The following CLCN7 variants were observed in gnomAD, a reference collection of about 807,000 sequenced individuals.
The protein encoded by CLCN7 is Cl-/H+ antiporter 7.
Under a neutral mutation model 102.1 loss-of-function variants are expected in CLCN7, and 60 were observed. The ratio of observed to expected loss-of-function variants is 0.59; its 90% CI spans 0.48 to 0.73. CLCN7 has a LOEUF of 0.73. CLCN7 is among the 30% of genes least tolerant of loss of function. The pLI, the probability that CLCN7 is intolerant of heterozygous loss-of-function variation, is 0.00. For synonymous variants in CLCN7, 560 were observed against 490.5 expected, an observed-to-expected ratio of 1.14 and a Z score of -1.87; for missense variants, 962 against 1,125.7, an observed-to-expected ratio of 0.85 and a Z score of 2.08.
chr16:1,456,168 G>A lies in CLCN7; in HGVS notation c.861C>T (p.Asp287=). Residue 287 remains aspartate (D), a synonymous_variant, in exon 10 of 25, where the codon GAC becomes GAT. Transcript: ENST00000382745. The part of the protein sequence containing the change: ...EYFRRDTEKR[D]FVSAGAAAGV... Reference sequence around the variant, plus strand: ...CGGCCGCAGCCCCTGCGGAGACGAAGTCCCGCTTCTCTGTGTCTCTGCGGA... The same window carrying A: ...CGGCCGCAGCCCCTGCGGAGACGAAATCCCGCTTCTCTGTGTCTCTGCGGA... 2 of 1,568,170 alleles carry A rather than the reference G, an allele frequency of 1.3e-6. No individual in the cohort carries two copies. The highest frequency in any genetic ancestry group is 1.7e-6 in the Non-Finnish European group (2 of 1,155,830).
chr16:1,467,618 C>G (rs950797583), intron 1 of CLCN7: 1 of 152,436 alleles, frequency 6.6e-6, no homozygotes, highest in Admixed American at 6.5e-5. Context: ...ACAGAGACCA[C>G]GGAACCCAAA....
chr16:1,454,398 G>A lies in CLCN7; in HGVS notation c.1153+13C>T, dbSNP rs1462506097. 2.5e-6 allele frequency: 4 copies of A among 1,612,948 alleles called. No homozygotes were observed. The African/African-American group carries it at 5.3e-5, about 22-fold the overall frequency. On this transcript the variant is annotated intron_variant, in intron 13 of 24. Transcript: ENST00000382745. ...CCGCAGGCCGTCCCTGCGGTGCTGG[G>A]AGAAGCCCTTACCCACCACGCCCAT...
intron 13 of CLCN7, 28 bp downstream of exon 13, chr16:1,454,383 T>A (rs578165494): frequency 3.1e-6 from 5 of 1,607,734 alleles, no homozygotes; most frequent in East Asian, 4.5e-5. Context: ...CCGCAGGCCG[T>A]CCCTGCGGTG....
chr16:1,446,382 A>C lies in CLCN7; in HGVS notation c.*249T>G, dbSNP rs2142363652. 2.8e-6 allele frequency: 2 copies of C among 702,360 alleles called. No individual in the cohort carries two copies. The highest frequency in any genetic ancestry group is 4.6e-4 in the Middle Eastern group (2 of 4,358). 43.5% of individuals were successfully genotyped at this position (702,360 alleles called of 1,614,324 possible). A position where few individuals can be genotyped will look rare whatever the true frequency, so the allele number is the denominator to read the frequency against. On this transcript the variant is annotated 3_prime_UTR_variant, in exon 25 of 25. Transcript: ENST00000382745. ...CACAGCTGATCCCTGGAGGTAAAGA[A>C]ACCTAGACGAGGAGAGTGGAGGCTG...
At chr16:1,451,226 G>C (rs2038743880) in intron 16 of CLCN7, among the ~76,000 whole-genome samples, 1 of 152,188 alleles carries the variant, frequency 6.6e-6, no homozygotes, top group Non-Finnish European at 1.5e-5. Context: ...TTTGTTTTTT[G>C]AGAGAGGGTC....
chr16:1,455,511 A>G, intron 11 of CLCN7: 1 of 664,324 alleles, frequency 1.5e-6, no homozygotes, highest in Non-Finnish European at 2.7e-6. Flanking sequence ...TTGATCCCCT[A>G]CCCGGGAGCC....
At chr16:1,466,237 C>T (rs1372136834) in intron 1 of CLCN7, among the ~76,000 whole-genome samples, 2 of 152,250 alleles carry the variant, frequency 1.3e-5, no homozygotes, top group Non-Finnish European at 2.9e-5. Context: ...GGAAGACCAA[C>T]GAGGCTGCCG....
At chr16:1,449,719 C>T (rs1379996996) in intron 17 of CLCN7, 5 of 276,878 alleles carry the variant, frequency 1.8e-5, no homozygotes, top group East Asian at 1.3e-4. Context: ...AAGCGGGGCA[C>T]GAGGGTCGGT....
At position 1,447,366 on chromosome 16, in the gene CLCN7, CGCCCAT is replaced by C. The variant is rs1179604034; in HGVS notation, c.2250+20_2250+25del. On this transcript the variant is annotated intron_variant, in intron 23 of 24. Transcript: ENST00000382745. Reference sequence around the variant, plus strand: ...CCCTGCTGTTCAGTCCCAGGCCCCACGCCCATGCCCATGCCCTGCACATGCCTGGGG... The same window carrying C: ...CCCTGCTGTTCAGTCCCAGGCCCCACGCCCATGCCCTGCACATGCCTGGGG... The C allele has an allele frequency of 2.0e-6, 3 of 1,537,692 alleles. No homozygotes were observed. Among genetic ancestry groups the C allele is most frequent in the Non-Finnish European group, 2.6e-6 (3 of 1,140,310 alleles).
Position 1,465,348 on chromosome 16 carries a change from G to T in CLCN7, c.142-10C>A. The T allele has an allele frequency of 6.2e-7, 1 of 1,612,246 alleles. No individual in the cohort carries two copies. Among genetic ancestry groups the T allele is most frequent in the East Asian group, 2.2e-5 (1 of 44,846 alleles). ...GCGCAGAACGTGGTGACTAAAAGCA[G>T]AAGAGAAATCATGAGGGCGCTCAGG... is the stretch of plus-strand genomic sequence containing the variant. On this transcript the variant is annotated splice_polypyrimidine_tract_variant and intron_variant, in intron 1 of 24. Coordinates refer to ENST00000382745, the MANE Select transcript of CLCN7 (RefSeq NM_001287.6).
intron 13 of CLCN7, 64 bp downstream of exon 13, chr16:1,454,347 A>G: frequency 6.5e-7 from 1 of 1,536,452 alleles, no homozygotes; most frequent in African/African-American, 1.4e-5. Flanking sequence ...CCTCGTCTCT[A>G]TGGCCACGTC....
intron 4 of CLCN7, 24 bp downstream of exon 4, chr16:1,461,380 CT>C: frequency 1.3e-6 from 2 of 1,546,768 alleles, no homozygotes. Context: ...CCGTGGGGCC[CT>C]GCAGGGAGCG....
chr16:1,448,190 C>A, intron 21 of CLCN7, 165 bp downstream of exon 21: 1 of 968,066 alleles, frequency 1.0e-6, no homozygotes, highest in South Asian at 1.5e-5. Context: ...GCCTCAGCGT[C>A]CACACAGCCC....
At chr16:1,450,449 C>T in intron 17 of CLCN7, 48 bp downstream of exon 17, 1 of 1,538,936 alleles carries the variant, frequency 6.5e-7, no homozygotes, top group South Asian at 1.2e-5. Flanking sequence ...TGCCGCAAGA[C>T]CTGGCTCAGC....
chr16:1,469,765 G>A (rs779565107), intron 1 of CLCN7, among the ~76,000 whole-genome samples: 1 of 152,190 alleles, frequency 6.6e-6, no homozygotes, highest in South Asian at 2.1e-4. Context: ...CCACTTGCAC[G>A]CCATGTTCAC....
At chr16:1,473,098 CACACACAGAGGCATACACAT>C (rs1465773688) in intron 1 of CLCN7, among the ~76,000 whole-genome samples, 1 of 151,920 alleles carries the variant, frequency 6.6e-6, no homozygotes, top group Non-Finnish European at 1.5e-5. Context: ...CACACACACA[CACACACAGAGGCATACACAT>C]ACACACACAG....
intron 1 of CLCN7, among the ~76,000 whole-genome samples, chr16:1,468,185 G>A (rs1214912385): frequency 6.6e-6 from 1 of 152,218 alleles, no homozygotes. Flanking sequence ...TCTACACCAC[G>A]ACAGCACTGT....
intron 4 of CLCN7, 107 bp from the exon 5 acceptor site, chr16:1,461,055 C>T: frequency 7.1e-7 from 1 of 1,415,516 alleles, no homozygotes; most frequent in Non-Finnish European, 9.6e-7. Context: ...ATGAAGGGCC[C>T]AGTGTGCACG....
chr16:1,457,428 G>A lies in CLCN7; in HGVS notation c.739-91C>T, dbSNP rs1220566890. The A allele has an allele frequency of 2.5e-5, 26 of 1,049,822 alleles. No individual in the cohort carries two copies. The highest frequency in any genetic ancestry group is 1.6e-4 in the South Asian group (12 of 77,006). The allele number at this position is 1,049,822 out of a possible 1,614,324, so 65.0% of individuals were successfully genotyped here. A position where few individuals can be genotyped will look rare whatever the true frequency, so the allele number is the denominator to read the frequency against. On this transcript the variant is annotated intron_variant, in intron 8 of 24. Transcript: ENST00000382745. This position sits in a 1 kb window ranked among gnomAD's most constrained non-coding sequence, Gnocchi z 5.4. ...ACCGATGCTCAGAGACACGCGTGAC[G>A]CGGCCCTTCCTGGAGACCAGAAGGA...
Sources: gnomAD v4.1 joint callset for allele counts (sites outside exome capture counted in the v4.1 genomes callset) on GRCh38, gnomAD v4.1.1 for gene constraint, Gnocchi (gnomAD v3.1) non-coding constraint, MANE v1.5 for transcripts, NCBI Gene and HGNC (gene_info 2026-07-23, HGNC 2026-07-21) for gene names.